SHROOM3: variants seen among roughly 807,000 people sequenced by gnomAD.
SHROOM3 encodes protein Shroom3.
SHROOM3 carries 47 observed loss-of-function variants against 138.6 expected under a neutral mutation model. The ratio of observed to expected loss-of-function variants is 0.34; its 90% confidence interval spans 0.27 to 0.43. SHROOM3 has a LOEUF of 0.43. SHROOM3 is among the 20% of genes least tolerant of loss of function. SHROOM3 has a pLI of 1.00. For missense variants in SHROOM3, 2,491 were observed against 2,596.5 expected (o/e 0.96, Z 0.88); for synonymous variants, 1,062 against 1,063.3 (o/e 1.00, Z 0.02).
chr4:76,657,324 G>A (rs562351944), intron 2 of SHROOM3, among the ~76,000 whole-genome samples: 4 of 152,132 alleles, frequency 2.6e-5, no homozygotes, highest in African/African-American at 7.2e-5. Flanking sequence ...AAGTATCAAC[G>A]TATTTTCTAA....
At position 76,552,072 on chromosome 4, in the gene SHROOM3, A is replaced by G. The variant is rs182855471; in HGVS notation, c.169-3537A>G. Among the ~76,000 whole-genome samples, 135 of 149,074 alleles carry G rather than the reference A, an allele frequency of 9.1e-4. 1 individual carries two copies. The East Asian group carries it at 0.011, about 13-fold the overall frequency. Reference sequence around the variant, plus strand: ...GAGACGGGGTTTCACCGTGTTAGCCAGGATGGACTCGATCTCCTGACCTTG... The same window carrying G: ...GAGACGGGGTTTCACCGTGTTAGCCGGGATGGACTCGATCTCCTGACCTTG... On this transcript the variant is annotated intron_variant, in intron 1 of 10. Coordinates refer to ENST00000296043, the MANE Select transcript of SHROOM3 (RefSeq NM_020859.4).
intron 2 of SHROOM3, among the ~76,000 whole-genome samples, chr4:76,584,179 G>A (rs754393157): frequency 5.9e-5 from 9 of 152,148 alleles, no homozygotes; most frequent in East Asian, 3.9e-4. Flanking sequence ...TTAGCCAGGC[G>A]TGGTGGCACA....
chr4:76,633,989 T>C (rs1264198695), intron 2 of SHROOM3, among the ~76,000 whole-genome samples: 3 of 152,312 alleles, frequency 2.0e-5, no homozygotes, highest in East Asian at 3.9e-4. Flanking sequence ...AATTTTATCC[T>C]GGAGAACCCT....
chr4:76,535,790 C>T (rs894667121), intron 1 of SHROOM3, among the ~76,000 whole-genome samples: 2 of 152,196 alleles, frequency 1.3e-5, no homozygotes, highest in Admixed American at 1.3e-4. Context: ...ACTTTGTTGT[C>T]ACTGCATCCC....
chr4:76,573,473 T>A (rs1733874632), intron 2 of SHROOM3: 1 of 153,718 alleles, frequency 6.5e-6, no homozygotes. Context: ...TCCAATCAAT[T>A]TGAATAGTCC....
intron 2 of SHROOM3, among the ~76,000 whole-genome samples, chr4:76,601,550 G>C (rs571005511): frequency 1.3e-5 from 2 of 152,190 alleles, no homozygotes; most frequent in Non-Finnish European, 2.9e-5. Context: ...TATCGTCCAG[G>C]CTGCAGTGCA....
rs915705070 is a variant in SHROOM3, at chr4:76,741,815, C to T, written c.3642C>T (p.Ala1214=). The part of the protein sequence containing the change: ...ETPREPSSWG[A]RAGKSMSAED... ...CCAGGGAGCCATCCTCCTGGGGGGCCAGGGCCGGGAAGTCCATGTCGGCCG... is the reference window on the plus strand; with the variant it reads ...CCAGGGAGCCATCCTCCTGGGGGGCTAGGGCCGGGAAGTCCATGTCGGCCG... The change falls in exon 5 of 11, where the codon GCC becomes GCT. Residue 1214 remains alanine (A), a synonymous_variant. Coordinates refer to ENST00000296043, the MANE Select transcript of SHROOM3 (RefSeq NM_020859.4). This position sits in a 1 kb window ranked among gnomAD's most constrained non-coding sequence, Gnocchi z 6.2. 1 of 1,589,520 alleles carries T rather than the reference C, an allele frequency of 6.3e-7. No homozygotes were observed. The highest frequency in any genetic ancestry group is 8.6e-7 in the Non-Finnish European group (1 of 1,168,618).
chr4:76,743,478 G>A (rs1305708573), intron 5 of SHROOM3, among the ~76,000 whole-genome samples: 1 of 152,162 alleles, frequency 6.6e-6, no homozygotes, highest in African/African-American at 2.4e-5. Context: ...GACTGCAGGA[G>A]GCTACCATTT....
At chr4:76,603,417 CAAAACA>C (rs1326917400) in intron 2 of SHROOM3, among the ~76,000 whole-genome samples, 1 of 149,802 alleles carries the variant, frequency 6.7e-6, no homozygotes, top group Non-Finnish European at 1.5e-5. Flanking sequence ...GACTCTGTCT[CAAAACA>C]AAAACAAACA....
At chr4:76,521,950 G>A (rs1199597489) in intron 1 of SHROOM3, among the ~76,000 whole-genome samples, 1 of 152,106 alleles carries the variant, frequency 6.6e-6, no homozygotes, top group Non-Finnish European at 1.5e-5. Context: ...ATATCATCTT[G>A]TGGTTCCTGC....
At chr4:76,773,796 A>G (rs1560625346) in intron 10 of SHROOM3, among the ~76,000 whole-genome samples, 1 of 152,200 alleles carries the variant, frequency 6.6e-6, no homozygotes, top group Non-Finnish European at 1.5e-5. Flanking sequence ...TGCAACCCCT[A>G]GAGTTCAGCT....
At chr4:76,686,369 C>T (rs762858352) in intron 2 of SHROOM3, among the ~76,000 whole-genome samples, 14 of 151,784 alleles carry the variant, frequency 9.2e-5, no homozygotes, top group Non-Finnish European at 1.6e-4. Context: ...ACCAAATTGC[C>T]ATAATATATA....
At chr4:76,738,704 G>A in intron 4 of SHROOM3, 57 bp from the exon 5 acceptor site, 2 of 1,594,900 alleles carry the variant, frequency 1.3e-6, no homozygotes, top group African/African-American at 1.3e-5. Context: ...TCCTCTGCCT[G>A]TAAGCCTACT....
At chr4:76,778,683 C>T (rs1269927667) in intron 10 of SHROOM3, 126 bp from the exon 11 acceptor site, 1 of 1,311,452 alleles carries the variant, frequency 7.6e-7, no homozygotes, top group Non-Finnish European at 1.1e-6. Flanking sequence ...AGCCTCCTTA[C>T]TTAGGAGTGA....
At chr4:76,660,460 T>C (rs969339099) in intron 2 of SHROOM3, among the ~76,000 whole-genome samples, 3 of 152,108 alleles carry the variant, frequency 2.0e-5, no homozygotes, top group African/African-American at 4.8e-5. Context: ...ATTGGTTGCA[T>C]TATTTTTTAT....
intron 2 of SHROOM3, among the ~76,000 whole-genome samples, chr4:76,613,747 G>T (rs1734812675): frequency 6.6e-6 from 1 of 152,174 alleles, no homozygotes. Flanking sequence ...CTGGGGGATA[G>T]CTGGTCACTC....
intron 2 of SHROOM3, among the ~76,000 whole-genome samples, chr4:76,666,759 A>G (rs1010730533): frequency 2.0e-5 from 3 of 152,190 alleles, no homozygotes; most frequent in African/African-American, 2.4e-5. Flanking sequence ...AGGGACTCAG[A>G]GCTATCTGCA....
rs1303905203 is a variant in SHROOM3, at chr4:76,770,348, AAAACAG to A, written c.5350-275_5350-270del. On this transcript the variant is annotated intron_variant, in intron 9 of 10. Coordinates refer to ENST00000296043, the MANE Select transcript of SHROOM3 (RefSeq NM_020859.4). The stretch of plus-strand genomic sequence containing the variant: ...TCAAAAAAAAAAAAAAAAAAAAAAA[AAAACAG>A]AAGACAAAGCTGTACATAGCATGAC... 4.6e-3 allele frequency among the ~76,000 whole-genome samples: 619 copies of A among 134,108 alleles called. 13 individuals carry two copies. Among genetic ancestry groups the A allele is most frequent in the African/African-American group, 0.015 (581 of 38,004 alleles). The allele number at this position is 134,108 out of a possible 152,430, so 88.0% of individuals were successfully genotyped here.
chr4:76,598,259 C>T (rs985326703), intron 2 of SHROOM3, among the ~76,000 whole-genome samples: 11 of 152,020 alleles, frequency 7.2e-5, no homozygotes, highest in Non-Finnish European at 1.2e-4. Context: ...ATCTCCTGAC[C>T]TCGTGATCAG....
Sources: gnomAD v4.1 joint callset for allele counts (sites outside exome capture counted in the v4.1 genomes callset) on GRCh38, gnomAD v4.1.1 for gene constraint, Gnocchi (gnomAD v3.1) non-coding constraint, MANE v1.5 for transcripts, NCBI Gene and HGNC (gene_info 2026-07-23, HGNC 2026-07-21) for gene names.